AGBL1: variants seen among roughly 807,000 people sequenced by gnomAD.
AGBL1 encodes the protein AGBL carboxypeptidase 1.
Under a neutral mutation model 118.9 loss-of-function variants are expected in AGBL1, and 130 were observed. The observed-to-expected ratio is 1.09, with a 90% CI of 0.95 to 1.26. The LOEUF (loss-of-function observed/expected upper bound fraction) is 1.26, where lower values mean the gene tolerates loss of function less well. Ranked by LOEUF, AGBL1 falls within the 50% of genes most tolerant of loss-of-function variation. The pLI is 0.00. For synonymous variants in AGBL1, 555 were observed against 478.9 expected, an observed-to-expected ratio of 1.16 and a Z score of -2.08; for missense variants, 1,584 against 1,298.1, an observed-to-expected ratio of 1.22 and a Z score of -3.38.
chr15:86,318,477 A>G (rs2080051642), intron 17 of AGBL1, among the ~76,000 whole-genome samples: 2 of 151,706 alleles, frequency 1.3e-5, no homozygotes, highest in Non-Finnish European at 2.9e-5. Context: ...TTTGACATAT[A>G]TCTTTTACTC....
chr15:86,565,107 G>T (rs1050579081), intron 21 of AGBL1, among the ~76,000 whole-genome samples: 1 of 152,048 alleles, frequency 6.6e-6, no homozygotes, highest in Non-Finnish European at 1.5e-5. Flanking sequence ...AAGTTTGATC[G>T]TCTGAAGCCT....
At chr15:86,140,059 G>A (rs974172124) in intron 1 of AGBL1, 4 of 189,660 alleles carry the variant, frequency 2.1e-5, no homozygotes, top group East Asian at 1.2e-4. Flanking sequence ...CAGCGCCCCT[G>A]GTGGTCAGGT....
At chr15:86,246,747 G>T (rs72752186) in intron 6 of AGBL1, among the ~76,000 whole-genome samples, 20,390 of 152,264 alleles carry the variant, frequency 0.13, 1,832 homozygotes, top group Middle Eastern at 0.25. Context: ...ACAAATTTAT[G>T]AGTCTTGATT....
intron 18 of AGBL1, among the ~76,000 whole-genome samples, chr15:86,436,879 G>C (rs1226986280): frequency 2.6e-5 from 4 of 152,164 alleles, no homozygotes; most frequent in African/African-American, 4.8e-5. Flanking sequence ...TAAAGAGTAA[G>C]TAATCACCAA....
At chr15:86,708,549 C>A (rs34041833) in intron 22 of AGBL1, among the ~76,000 whole-genome samples, 1 of 152,088 alleles carries the variant, frequency 6.6e-6, no homozygotes, top group African/African-American at 2.4e-5. Context: ...CCTGAGCAGT[C>A]TAAGACAAGG....
At chr15:86,426,926 C>T (rs2081874439) in intron 18 of AGBL1, among the ~76,000 whole-genome samples, 1 of 152,150 alleles carries the variant, frequency 6.6e-6, no homozygotes, top group South Asian at 2.1e-4. Context: ...CCACCACTCC[C>T]AGCTAATTTT....
At chr15:86,791,422 C>T (rs563421521) in intron 22 of AGBL1, among the ~76,000 whole-genome samples, 1 of 152,200 alleles carries the variant, frequency 6.6e-6, no homozygotes, top group South Asian at 2.1e-4. Context: ...ACAAGTAATT[C>T]ACCTCACCCA....
At chr15:86,656,391 G>C (rs1254834165) in intron 21 of AGBL1, among the ~76,000 whole-genome samples, 1 of 152,078 alleles carries the variant, frequency 6.6e-6, no homozygotes, top group African/African-American at 2.4e-5. Flanking sequence ...TGGGGCTTTA[G>C]GGGGGTTGCC....
At chr15:86,629,683 C>A (rs2084936312) in intron 21 of AGBL1, among the ~76,000 whole-genome samples, 1 of 152,144 alleles carries the variant, frequency 6.6e-6, no homozygotes, top group African/African-American at 2.4e-5. Context: ...ATAGTACTGG[C>A]TTCTTGGCTC....
chr15:86,457,322 G>A (rs1378357756), intron 18 of AGBL1, among the ~76,000 whole-genome samples: 1 of 152,066 alleles, frequency 6.6e-6, no homozygotes, highest in Non-Finnish European at 1.5e-5. Context: ...TTGCAATCAG[G>A]CTATAGTTGA....
chr15:86,565,239 G>T (rs2083895288), intron 21 of AGBL1, among the ~76,000 whole-genome samples: 1 of 152,212 alleles, frequency 6.6e-6, no homozygotes, highest in Non-Finnish European at 1.5e-5. Flanking sequence ...TTCCTGCTCT[G>T]TTTTTTCCCC....
At chr15:86,997,475 C>T (rs1269820153) in intron 24 of AGBL1, among the ~76,000 whole-genome samples, 1 of 152,320 alleles carries the variant, frequency 6.6e-6, no homozygotes, top group South Asian at 2.1e-4. Flanking sequence ...TAATTCTCAG[C>T]TTCAGTTTAT....
chr15:86,161,468 G>C (rs539357563), intron 5 of AGBL1, among the ~76,000 whole-genome samples: 4 of 152,138 alleles, frequency 2.6e-5, no homozygotes, highest in African/African-American at 9.7e-5. Context: ...GAGAGAGCTG[G>C]GATTTAAACC....
intron 17 of AGBL1, among the ~76,000 whole-genome samples, chr15:86,396,406 A>C (rs1368677475): frequency 1.3e-5 from 2 of 151,974 alleles, no homozygotes; most frequent in Admixed American, 1.3e-4. Context: ...CCTCATCAGC[A>C]CATTCTCCAT....
At chr15:86,964,662 A>C (rs1184847582) in intron 23 of AGBL1, among the ~76,000 whole-genome samples, 1 of 151,318 alleles carries the variant, frequency 6.6e-6, no homozygotes, top group Non-Finnish European at 1.5e-5. Flanking sequence ...AAATACTTTA[A>C]GTTCTGGGAT....
intron 22 of AGBL1, among the ~76,000 whole-genome samples, chr15:86,823,211 A>G (rs1428831557): frequency 6.7e-6 from 1 of 150,052 alleles, no homozygotes. Flanking sequence ...CTCTATTGTA[A>G]TGGAGCTGCT....
intron 24 of AGBL1, among the ~76,000 whole-genome samples, chr15:86,998,028 T>G (rs1373102550): frequency 6.6e-6 from 1 of 152,144 alleles, no homozygotes; most frequent in Non-Finnish European, 1.5e-5. Context: ...GAGCTATGTA[T>G]ATATAGTAGA....
intron 23 of AGBL1, among the ~76,000 whole-genome samples, chr15:86,979,640 C>T (rs1567270280): frequency 1.3e-5 from 2 of 150,646 alleles, no homozygotes; most frequent in South Asian, 2.1e-4. Flanking sequence ...AGGTGCCCGC[C>T]ACCACGCCCG....
intron 18 of AGBL1, among the ~76,000 whole-genome samples, chr15:86,417,981 A>G (rs2081721676): frequency 6.6e-6 from 1 of 152,184 alleles, no homozygotes; most frequent in Non-Finnish European, 1.5e-5. Flanking sequence ...ACCTGAAAGT[A>G]TCTTGCTGTA....
Sources: gnomAD v4.1 joint callset for allele counts (sites outside exome capture counted in the v4.1 genomes callset) on GRCh38, gnomAD v4.1.1 for gene constraint, MANE v1.5 for transcripts, NCBI Gene and HGNC (gene_info 2026-07-23, HGNC 2026-07-21) for gene names.